KHDRBS1: variants seen among roughly 807,000 people sequenced by gnomAD.
KHDRBS1 encodes KH RNA binding domain containing, signal transduction associated 1.
Under a neutral mutation model 48.4 loss-of-function variants are expected in KHDRBS1, and 7 were observed. That is an observed-to-expected ratio of 0.14 (90% confidence interval 0.08 to 0.27). The LOEUF is 0.27. KHDRBS1 is among the 10% of genes least tolerant of loss of function. The pLI is 1.00. For missense variants in KHDRBS1, 458 were observed against 601.2 expected, an observed-to-expected ratio of 0.76 and a Z score of 2.49; for synonymous variants, 241 against 235.8, an observed-to-expected ratio of 1.02 and a Z score of -0.20.
chr1:32,057,325 A>G (rs1037821255), intron 10 of KHDRBS1, among the ~76,000 whole-genome samples: 9 of 152,098 alleles, frequency 5.9e-5, no homozygotes, highest in African/African-American at 1.9e-4. Flanking sequence ...GACTATAGGC[A>G]GGTGGCTAAT....
At chr1:32,021,308 T>C (rs1638853255) in intron 1 of KHDRBS1, among the ~76,000 whole-genome samples, 1 of 151,968 alleles carries the variant, frequency 6.6e-6, no homozygotes, top group Non-Finnish European at 1.5e-5. Flanking sequence ...TCTATACCCA[T>C]AGCCAATATT....
intron 1 of KHDRBS1, among the ~76,000 whole-genome samples, chr1:32,027,091 G>A (rs897651458): frequency 3.9e-5 from 6 of 152,052 alleles, no homozygotes; most frequent in Admixed American, 1.3e-4. Context: ...CAACGCGCCC[G>A]GTCTATGTAT....
At chr1:32,060,602 T>C (rs1428232478) in exon 11 of KHDRBS1, 1 of 152,202 alleles carries the variant, frequency 6.6e-6, no homozygotes, top group Non-Finnish European at 1.5e-5. Context: ...CCTTGAACCC[T>C]TCCAGAGGGC....
intron 3 of KHDRBS1, among the ~76,000 whole-genome samples, chr1:32,032,642 A>G (rs1303753341): frequency 1.3e-5 from 2 of 152,168 alleles, no homozygotes; most frequent in Non-Finnish European, 2.9e-5. Context: ...AACTGTAAGC[A>G]GCAGACCATG....
chr1:32,016,090 A>C (rs917772180), intron 1 of KHDRBS1, among the ~76,000 whole-genome samples: 2 of 152,064 alleles, frequency 1.3e-5, no homozygotes, highest in Admixed American at 1.3e-4. Context: ...AGGCAGGAAA[A>C]TCACTTGAAC....
rs564969450 is a variant in KHDRBS1 at position 32,055,402 on chromosome 1, C to T, written n.1302-4761C>T. On this transcript the variant is annotated intron_variant and non_coding_transcript_variant, in intron 10 of 10. Coordinates refer to the KHDRBS1 transcript ENST00000484270. ...GGCGGAGGTTGCAGTGAGCCATGAT[C>T]GCACCATTGCACTCCAGCCTGGGCG... is the stretch of plus-strand genomic sequence containing the variant. Among the ~76,000 whole-genome samples, 30 of 152,186 alleles carry T rather than the reference C, an allele frequency of 2.0e-4. No homozygotes were observed. The South Asian group carries it at 4.4e-3, about 22-fold the overall frequency.
downstream of KHDRBS1, among the ~76,000 whole-genome samples, chr1:32,045,102 T>A (rs1639341783): frequency 6.6e-6 from 1 of 152,140 alleles, no homozygotes; most frequent in Non-Finnish European, 1.5e-5. Context: ...AGATTAGACC[T>A]CCTGCTGCAC....
At chr1:32,054,638 TA>T (rs1032619333) in intron 10 of KHDRBS1, 9 of 152,236 alleles carry the variant, frequency 5.9e-5, no homozygotes, top group African/African-American at 1.7e-4. Context: ...GCCTCCATTT[TA>T]AGCTCTTAAT....
rs12568983 is a variant in KHDRBS1, at chr1:32,033,564, G to A, written c.771+230G>A. Among the ~76,000 whole-genome samples the A allele has an allele frequency of 1.1e-4, 17 of 152,190 alleles. 1 individual carries two copies. In the East Asian group the frequency reaches 1.4e-3, roughly 12 times the overall value. Reference sequence around the variant, plus strand: ...TCTAATGTGGTTTTCATTGTGTACCGGTATCTTGTCAGTATCTCGGGTCCA... The same window carrying A: ...TCTAATGTGGTTTTCATTGTGTACCAGTATCTTGTCAGTATCTCGGGTCCA... On this transcript the variant is annotated intron_variant, in intron 4 of 8. Coordinates refer to ENST00000327300, the MANE Select transcript of KHDRBS1 (RefSeq NM_006559.3).
chr1:32,032,377 C>T lies in KHDRBS1; in HGVS notation c.624+737C>T, dbSNP rs12563045. On this transcript the variant is annotated intron_variant, in intron 3 of 8. Transcript: ENST00000327300. ...ATTTCTTGCTAGATGCATATAGTTA[C>T]GGCTGAAGTGTGTTCTAACTAATGA... is the stretch of plus-strand genomic sequence containing the variant. Among the ~76,000 whole-genome samples, 261 of 152,242 alleles carry T rather than the reference C, an allele frequency of 1.7e-3. 6 individuals carry two copies. In the East Asian group the frequency reaches 0.038, roughly 22 times the overall value.
At chr1:32,025,230 A>G (rs1176692533) in intron 1 of KHDRBS1, among the ~76,000 whole-genome samples, 1 of 146,046 alleles carries the variant, frequency 6.8e-6, no homozygotes, top group Non-Finnish European at 1.5e-5. Flanking sequence ...TGTGCCACTC[A>G]TTCCAGCCTG....
chr1:32,041,432 AT>A (rs1048622778), intron 8 of KHDRBS1, among the ~76,000 whole-genome samples: 1 of 152,120 alleles, frequency 6.6e-6, no homozygotes, highest in African/African-American at 2.4e-5. Flanking sequence ...AACGCAATTT[AT>A]TTTCATAAGA....
intron 1 of KHDRBS1, 44 bp downstream of exon 1, chr1:32,014,421 G>C: frequency 7.8e-7 from 1 of 1,288,982 alleles, no homozygotes; most frequent in Non-Finnish European, 9.9e-7. Context: ...CGGCCATCCC[G>C]GGCATGAGTG....
At chr1:32,033,423 C>T in intron 4 of KHDRBS1, 89 bp downstream of exon 4, 3 of 1,530,980 alleles carry the variant, frequency 2.0e-6, no homozygotes, top group Non-Finnish European at 2.7e-6. Context: ...ACTAAGGTCT[C>T]TGCATAACCT....
At chr1:32,057,072 T>C (rs754630568) in intron 10 of KHDRBS1, among the ~76,000 whole-genome samples, 8 of 152,144 alleles carry the variant, frequency 5.3e-5, no homozygotes, top group Non-Finnish European at 8.8e-5. Flanking sequence ...AGCCAACATA[T>C]AAAGGAGGAC....
At chr1:32,049,079 G>C (rs1057376047) in intron 10 of KHDRBS1, among the ~76,000 whole-genome samples, 4 of 151,130 alleles carry the variant, frequency 2.6e-5, no homozygotes, top group Admixed American at 2.0e-4. Context: ...TTTTGAGACG[G>C]GGTGTTGCTC....
intron 10 of KHDRBS1, among the ~76,000 whole-genome samples, chr1:32,055,816 C>A (rs1487536975): frequency 1.3e-5 from 2 of 151,976 alleles, no homozygotes; most frequent in African/African-American, 2.4e-5. Context: ...GAGACTCAAC[C>A]CTTTTTGGGA....
At chr1:32,027,294 C>G (rs983305181) in intron 1 of KHDRBS1, among the ~76,000 whole-genome samples, 4 of 152,092 alleles carry the variant, frequency 2.6e-5, no homozygotes, top group African/African-American at 9.7e-5. Flanking sequence ...CATCTTTGTT[C>G]TTCTAGGACT....
At chr1:32,032,071 T>G (rs1240051306) in intron 3 of KHDRBS1, among the ~76,000 whole-genome samples, 4 of 152,210 alleles carry the variant, frequency 2.6e-5, no homozygotes, top group South Asian at 2.1e-4. Context: ...TTAGTTGGTT[T>G]GTTTTATAGC....
Sources: gnomAD v4.1 joint callset for allele counts (sites outside exome capture counted in the v4.1 genomes callset) on GRCh38, gnomAD v4.1.1 for gene constraint, MANE v1.5 for transcripts, NCBI Gene and HGNC (gene_info 2026-07-23, HGNC 2026-07-21) for gene names.